The following KCNC3 variants were observed in gnomAD, a reference collection of about 807,000 sequenced individuals.
KCNC3 encodes the protein voltage-gated potassium channel KCNC3.
KCNC3 carries 22 observed loss-of-function variants against 43.9 expected under a neutral mutation model. The observed-to-expected ratio is 0.50, with a 90% CI of 0.36 to 0.72. The LOEUF (loss-of-function observed/expected upper bound fraction) is 0.72, where lower values mean the gene tolerates loss of function less well. Among genes scored for constraint, KCNC3 ranks in the 30% least tolerant of loss-of-function variants. The pLI is 0.00. For missense variants in KCNC3, 829 were observed against 1,073.8 expected, an observed-to-expected ratio of 0.77 and a Z score of 3.19; for synonymous variants, 492 against 488.0, an observed-to-expected ratio of 1.01 and a Z score of -0.11.
chr19:50,314,062 G>A lies in KCNC3; in HGVS notation c.*2053C>T, dbSNP rs1347731891. 6.6e-6 allele frequency: 1 copy of A among 152,178 alleles called. No individual in the cohort carries two copies. The highest frequency in any genetic ancestry group is 2.4e-5 in the African/African-American group (1 of 41,382). 9.4% of individuals were successfully genotyped at this position (152,178 alleles called of 1,614,324 possible). A position where few individuals can be genotyped will look rare whatever the true frequency, so the allele number is the denominator to read the frequency against. On this transcript the variant is annotated 3_prime_UTR_variant, in exon 5 of 5. Coordinates refer to ENST00000477616, the MANE Select transcript of KCNC3 (RefSeq NM_004977.3). ...GGGCCAGATCATCCCAGGAATTCTG[G>A]GATAGGAGGTCTGAGTCCATGCAGC...
At position 50,323,703 on chromosome 19, in the gene KCNC3, C is replaced by T; in HGVS notation, c.1250G>A (p.Arg417His). Residue 417 changes from arginine to histidine, a missense_variant, in exon 2 of 5, where the codon CGC becomes CAC. Arg to His is a conservative substitution (Grantham distance 29). Around this residue, in one of 7 missense-constraint regions of KCNC3, gnomAD observed 157 missense variants for 293.5 expected, o/e 0.53. Coordinates refer to ENST00000477616, the MANE Select transcript of KCNC3 (RefSeq NM_004977.3). ...KDVLGFLRVV[R>H]FVRILRIFKL... ...GAAGATGCGCAGGATGCGGACGAAG[C>T]GGACCACCCGCAGGAAGCCCAGCAC... 1.9e-6 allele frequency: 3 copies of T among 1,614,174 alleles called. No individual in the cohort carries two copies. Among genetic ancestry groups the T allele is most frequent in the Non-Finnish European group, 2.5e-6 (3 of 1,180,034 alleles).
In KCNC3 at chr19:50,328,918, G is replaced by T; in HGVS notation, c.165C>A (p.Pro55=). 1 of 865,260 alleles carries T rather than the reference G, an allele frequency of 1.2e-6. No homozygotes were observed. Among genetic ancestry groups the T allele is most frequent in the Middle Eastern group, 5.9e-4 (1 of 1,706 alleles). 53.6% of individuals were successfully genotyped at this position (865,260 alleles called of 1,614,324 possible). A position where few individuals can be genotyped will look rare whatever the true frequency, so the allele number is the denominator to read the frequency against. ...GGTCCCCGGGCCCGCGGGGTGCCGG[G>T]GGGCCCGCCGGGGACGCGGCGGGGC... The part of the protein sequence containing the change: ...QPGPAASPAG[P]PAPRGPGDRR... Residue 55 remains proline, a synonymous_variant, in exon 1 of 5, where the codon CCC becomes CCA. Transcript: ENST00000477616.
At position 50,324,185 on chromosome 19, in the gene KCNC3, G is replaced by T; in HGVS notation, c.871-103C>A. 1 of 1,236,918 alleles carries T rather than the reference G, an allele frequency of 8.1e-7. No homozygotes were observed. Among genetic ancestry groups the T allele is most frequent in the Non-Finnish European group, 1.1e-6 (1 of 908,416 alleles). 76.6% of individuals were successfully genotyped at this position (1,236,918 alleles called of 1,614,324 possible). Reference sequence around the variant, plus strand: ...CAGTGCCCCCTTCCCCAGCCTCCTGGGCCCAAACTCTGGGCAAAATCCAGG... The same window carrying T: ...CAGTGCCCCCTTCCCCAGCCTCCTGTGCCCAAACTCTGGGCAAAATCCAGG... On this transcript the variant is annotated intron_variant, in intron 1 of 4. Coordinates refer to ENST00000477616, the MANE Select transcript of KCNC3 (RefSeq NM_004977.3). This position sits in a 1 kb window ranked among gnomAD's most constrained non-coding sequence, Gnocchi z 4.1.
At position 50,314,782 on chromosome 19, in the gene KCNC3, AC is replaced by A. The variant is rs969497632; in HGVS notation, c.*1332del. On this transcript the variant is annotated 3_prime_UTR_variant, in exon 5 of 5. Coordinates refer to ENST00000477616, the MANE Select transcript of KCNC3 (RefSeq NM_004977.3). ...TTTTTTTAAAAAAACCCTTTTCCCC[AC>A]CCCCCACCCCCAGCTCCTTTGACCT... 7 of 366,338 alleles carry A rather than the reference AC, an allele frequency of 1.9e-5. No individual in the cohort carries two copies. Among genetic ancestry groups the A allele is most frequent in the Admixed American group, 3.0e-5 (1 of 33,500 alleles). 22.7% of individuals were successfully genotyped at this position (366,338 alleles called of 1,614,324 possible).
upstream of KCNC3, chr19:50,329,443 G>A (rs927419819): frequency 3.9e-4 from 60 of 155,616 alleles, 1 homozygote; most frequent in Non-Finnish European, 7.2e-4. Context: ...GATAGAGAGA[G>A]ACCTTACTGA....
At chr19:50,327,803 C>A (rs2037123909) in intron 1 of KCNC3, among the ~76,000 whole-genome samples, 2 of 151,558 alleles carry the variant, frequency 1.3e-5, no homozygotes, top group Admixed American at 1.3e-4. Context: ...TGGACGGTGA[C>A]CAAGAGTAGT....
At chr19:50,325,714 G>A (rs376096672) in intron 1 of KCNC3, among the ~76,000 whole-genome samples, 36 of 152,084 alleles carry the variant, frequency 2.4e-4, no homozygotes, top group African/African-American at 8.2e-4. Flanking sequence ...CGCAGTGGGG[G>A]CGGGCCAGCC....
At position 50,315,837 on chromosome 19, in the gene KCNC3, T is replaced by C; in HGVS notation, c.*278A>G. 3.7e-6 allele frequency: 1 copy of C among 269,058 alleles called. No homozygotes were observed. The highest frequency in any genetic ancestry group is 7.4e-6 in the Non-Finnish European group (1 of 134,594). 16.7% of individuals were successfully genotyped at this position (269,058 alleles called of 1,614,324 possible). On this transcript the variant is annotated 3_prime_UTR_variant, in exon 5 of 5. Transcript: ENST00000477616. The stretch of plus-strand genomic sequence containing the variant: ...AATGGGACTCAAGATCCAGCAACAG[T>C]GTGTGTGGTTTCTGCAAAGCCTGGG...
Position 50,314,160 on chromosome 19 carries a change from A to T in KCNC3, c.*1955T>A, listed in dbSNP as rs917041091. The T allele has an allele frequency of 1.3e-5, 2 of 152,200 alleles. No homozygotes were observed. The highest frequency in any genetic ancestry group is 2.9e-5 in the Non-Finnish European group (2 of 68,122). 9.4% of individuals were successfully genotyped at this position (152,200 alleles called of 1,614,324 possible). On this transcript the variant is annotated 3_prime_UTR_variant, in exon 5 of 5. Coordinates refer to ENST00000477616, the MANE Select transcript of KCNC3 (RefSeq NM_004977.3). ...TGAAATTCACCAGAGGAATTCTCCT[A>T]AAGGCTGAGGGAGCAGGTCCAAAGC... is the stretch of plus-strand genomic sequence containing the variant.
rs939357819 is a variant in KCNC3, at chr19:50,314,806, CCTT to C, written c.*1306_*1308del. On this transcript the variant is annotated 3_prime_UTR_variant, in exon 5 of 5. Transcript: ENST00000477616. ...CACCCCCCACCCCCAGCTCCTTTGA[CCTT>C]CTTCCCGGTCACCCCCGAGTCCCCC... The C allele has an allele frequency of 2.6e-6, 1 of 383,752 alleles. No individual in the cohort carries two copies. The highest frequency in any genetic ancestry group is 2.2e-5 in the African/African-American group (1 of 45,552). The allele number at this position is 383,752 out of a possible 1,614,324, so 23.8% of individuals were successfully genotyped here. A position where few individuals can be genotyped will look rare whatever the true frequency, so the allele number is the denominator to read the frequency against.
chr19:50,323,261 G>A lies in KCNC3; in HGVS notation c.1692C>T (p.Pro564=), dbSNP rs757884257. Residue 564 remains proline (P), a synonymous_variant, in exon 2 of 5, where the codon CCC becomes CCT. Transcript: ENST00000477616. ...TGGGCGAGCCCGGTTGCGGGGGCCG[G>A]GGGATGTGTTTGTTCTTCTTCTTGG... is the stretch of plus-strand genomic sequence containing the variant. The part of the protein sequence containing the change: ...KLPKKKNKHI[P]RPPQPGSPNY... 4 of 1,604,610 alleles carry A rather than the reference G, an allele frequency of 2.5e-6. No homozygotes were observed. The Admixed American group carries it at 6.7e-5, about 27-fold the overall frequency.
At position 50,316,269 on chromosome 19, in the gene KCNC3, G is replaced by A. The variant is rs181191519; in HGVS notation, c.*24-178C>T. 2.2e-4 allele frequency among the ~76,000 whole-genome samples: 33 copies of A among 151,208 alleles called. No homozygotes were observed. The East Asian group carries it at 4.9e-3, about 22-fold the overall frequency. ...GGGGGCGGCTGAGACATCAAATATG[G>A]AAGGAGCTTCCGGGCTGGCTGGGGA... On this transcript the variant is annotated intron_variant, in intron 4 of 4. Transcript: ENST00000477616.
At position 50,323,844 on chromosome 19, in the gene KCNC3, C is replaced by T; in HGVS notation, c.1109G>A (p.Cys370Tyr). ...TFEFLMRITF[C>Y]PDKVEFLKSS... is the part of the protein sequence containing the mutation. ...TTTAAGAAACTCCACCTTGTCTGGG[C>T]AGAAGGTGATGCGCATGAGGAACTC... The change falls in exon 2 of 5, where the codon TGC becomes TAC. Residue 370 changes from cysteine (C) to tyrosine (Y), a missense_variant. Cys to Tyr is a radical substitution (Grantham distance 194). This residue lies in a region of KCNC3 where 157 missense variants were observed against 293.5 expected (regional missense o/e 0.53). Coordinates refer to ENST00000477616, the MANE Select transcript of KCNC3 (RefSeq NM_004977.3). 1 of 1,614,156 alleles carries T rather than the reference C, an allele frequency of 6.2e-7. No homozygotes were observed. Among genetic ancestry groups the T allele is most frequent in the Non-Finnish European group, 8.5e-7 (1 of 1,180,030 alleles).
intron 3 of KCNC3, 36 bp downstream of exon 3, chr19:50,320,557 G>A: frequency 6.3e-7 from 1 of 1,587,428 alleles, no homozygotes; most frequent in Non-Finnish European, 8.6e-7. Context: ...GAGAGAGAGG[G>A]AGGGTCCCAG....
In KCNC3 at chr19:50,315,292, G is replaced by A. The variant is rs565345224; in HGVS notation, c.*823C>T. On this transcript the variant is annotated 3_prime_UTR_variant, in exon 5 of 5. Transcript: ENST00000477616. ...TGAGAAAGGGGGAGACATCGGGGAG[G>A]GGGGAGAGACTCCGGATTAGGAGGC... 1.3e-3 allele frequency among the ~76,000 whole-genome samples: 195 copies of A among 151,914 alleles called. 1 individual carries two copies. The highest frequency in any genetic ancestry group is 4.4e-3 in the African/African-American group (181 of 41,424).
intron 3 of KCNC3, 35 bp downstream of exon 3, chr19:50,320,558 A>G: frequency 6.3e-7 from 1 of 1,579,874 alleles, no homozygotes; most frequent in African/African-American, 1.4e-5. Flanking sequence ...AGAGAGAGGG[A>G]GGGTCCCAGG....
Position 50,323,139 on chromosome 19 carries a change from A to C in KCNC3, c.1814T>G (p.Met605Arg). ...GTAGGCCCCGGCCACAGTCACCCCC[A>C]TGGAGGGTGGGGTGATGGGTGGCGG... Reference protein sequence around the residue: ...SPPPPITPPSMGVTVAGAYPA... With the variant: ...SPPPPITPPSRGVTVAGAYPA... The change falls in exon 2 of 5, where the codon ATG becomes AGG. Residue 605 changes from methionine (M) to arginine (R), a missense_variant. By Grantham distance (91) the Met-to-Arg change is moderately conservative. Around this residue, in one of 7 missense-constraint regions of KCNC3, gnomAD observed 308 missense variants for 276.2 expected, o/e 1.11. Transcript: ENST00000477616. 6.5e-7 allele frequency: 1 copy of C among 1,534,142 alleles called. No individual in the cohort carries two copies. The highest frequency in any genetic ancestry group is 8.7e-7 in the Non-Finnish European group (1 of 1,144,034).
At chr19:50,325,652 T>C (rs982576303) in intron 1 of KCNC3, among the ~76,000 whole-genome samples, 5 of 151,840 alleles carry the variant, frequency 3.3e-5, no homozygotes, top group Admixed American at 2.6e-4. Flanking sequence ...GCAGAGCGCA[T>C]GCCTAGTTCC....
Position 50,329,067 on chromosome 19 carries a change from A to T in KCNC3, c.16T>A (p.Cys6Ser), listed in dbSNP as rs969993818. The part of the protein sequence containing the change: MLSSV[C>S]VSSFRGRQGA... ...TGGCGCCCGCGGAAGGACGAGACGC[A>T]GACTGAGCTCAGCATTGGACGGGGG... is the stretch of plus-strand genomic sequence containing the variant. Residue 6 changes from cysteine (C) to serine (S), a missense_variant, in exon 1 of 5, where the codon TGC becomes AGC. By Grantham distance (112) the Cys-to-Ser change is moderately radical (BLOSUM62 -1). This residue lies in a region of KCNC3 where 129 missense variants were observed against 83.6 expected (regional missense o/e 1.54). Transcript: ENST00000477616. 1.2e-5 allele frequency: 14 copies of T among 1,194,666 alleles called. No homozygotes were observed. The African/African-American group carries it at 2.3e-4, about 20-fold the overall frequency. The allele number at this position is 1,194,666 out of a possible 1,614,324, so 74.0% of individuals were successfully genotyped here.
Sources: allele counts gnomAD v4.1 joint callset (sites outside exome capture counted in the v4.1 genomes callset), GRCh38; gene constraint gnomAD v4.1.1; regional missense constraint gnomAD v4.1.1; non-coding constraint Gnocchi (gnomAD v3.1); transcripts MANE v1.5; gene names NCBI Gene and HGNC (gene_info 2026-07-23, HGNC 2026-07-21).